The following FOXJ1 variants were observed in gnomAD, a reference collection of about 807,000 sequenced individuals.
The protein encoded by FOXJ1 is forkhead box protein J1.
Under a neutral mutation model 29.3 loss-of-function variants are expected in FOXJ1, and 8 were observed. The ratio of observed to expected loss-of-function variants is 0.27; its 90% CI spans 0.16 to 0.49. The LOEUF (loss-of-function observed/expected upper bound fraction) is 0.49. Ranked by LOEUF, FOXJ1 falls within the 20% of genes least tolerant of loss-of-function variation. FOXJ1 has a pLI of 0.98. For missense variants in FOXJ1, 539 were observed against 595.5 expected (o/e 0.91, Z 0.99); for synonymous variants, 280 against 278.7 (o/e 1.00, Z -0.05).
chr17:76,137,270 TG>T lies in FOXJ1; in HGVS notation c.*82del. On this transcript the variant is annotated 3_prime_UTR_variant, in exon 3 of 3. Coordinates refer to ENST00000322957, the MANE Select transcript of FOXJ1 (RefSeq NM_001454.4). The surrounding 1 kb of genome is among the most constrained non-coding windows in gnomAD (Gnocchi z 9.5). ...CCTGGCCCAGCCCCTGCCTAGGTGGTGGGGTGTCTGTGGACCTGTGTTGGGG... is the reference window on the plus strand; with the variant it reads ...CCTGGCCCAGCCCCTGCCTAGGTGGTGGGTGTCTGTGGACCTGTGTTGGGG... 1 of 1,215,412 alleles carries T rather than the reference TG, an allele frequency of 8.2e-7. No individual in the cohort carries two copies. Among genetic ancestry groups the T allele is most frequent in the Non-Finnish European group, 1.1e-6 (1 of 927,292 alleles). 75.3% of individuals were successfully genotyped at this position (1,215,412 alleles called of 1,614,324 possible).
In FOXJ1 at chr17:76,139,206, G is replaced by A. The variant is rs1179217406; in HGVS notation, c.498+692C>T. ...GTGGAACACGAAGTGAGTGTGGTAG[G>A]CAGAGCCCCAGTGGAAGGCACCTGG... On this transcript the variant is annotated intron_variant, in intron 2 of 2. Coordinates refer to ENST00000322957, the MANE Select transcript of FOXJ1 (RefSeq NM_001454.4). The surrounding 1 kb of genome is among the most constrained non-coding windows in gnomAD (Gnocchi z 6.6). Among the ~76,000 whole-genome samples the A allele has an allele frequency of 6.6e-6, 1 of 152,162 alleles. No individual in the cohort carries two copies. Among genetic ancestry groups the A allele is most frequent in the East Asian group, 1.9e-4 (1 of 5,178 alleles).
rs1007381587 is a variant in FOXJ1 at position 76,140,443 on chromosome 17, CG to C, written c.-49del. ...GGCGGTCAGCATCCACGGGCTGAGCCGGGGGTGGCCCGCCGCGCTCTCTGGC... is the reference window on the plus strand; with the variant it reads ...GGCGGTCAGCATCCACGGGCTGAGCCGGGGTGGCCCGCCGCGCTCTCTGGC... On this transcript the variant is annotated 5_prime_UTR_variant, in exon 2 of 3. Coordinates refer to ENST00000322957, the MANE Select transcript of FOXJ1 (RefSeq NM_001454.4). This position sits in a 1 kb window ranked among gnomAD's most constrained non-coding sequence, Gnocchi z 8.0. 2.2e-6 allele frequency: 3 copies of C among 1,368,526 alleles called. No individual in the cohort carries two copies. The highest frequency in any genetic ancestry group is 3.1e-5 in the African/African-American group (2 of 64,924). The allele number at this position is 1,368,526 out of a possible 1,614,324, so 84.8% of individuals were successfully genotyped here.
intron 2 of FOXJ1, 82 bp from the exon 3 acceptor site, chr17:76,138,202 G>C: frequency 6.9e-7 from 1 of 1,439,956 alleles, no homozygotes; most frequent in Non-Finnish European, 9.6e-7. Flanking sequence ...TGGCGCTGCT[G>C]CGCACCCCCC....
chr17:76,137,738 G>C lies in FOXJ1; in HGVS notation c.881C>G (p.Pro294Arg). The C allele has an allele frequency of 2.5e-6, 4 of 1,611,066 alleles. No homozygotes were observed. The highest frequency in any genetic ancestry group is 3.4e-6 in the Non-Finnish European group (4 of 1,178,794). ...KVPRPPSTLLPTPEEQGELEP... is the reference protein window; with the variant it reads ...KVPRPPSTLLRTPEEQGELEP... ...CAGCTCACCCTGCTCCTCCGGGGTG[G>C]GCAGCAGGGTGCTGGGGGGCCGCGG... is the stretch of plus-strand genomic sequence containing the variant. Residue 294 changes from proline to arginine, a missense_variant, in exon 3 of 3, where the codon CCC becomes CGC. Transcript: ENST00000322957. The surrounding 1 kb of genome is among the most constrained non-coding windows in gnomAD (Gnocchi z 9.5).
chr17:76,140,401 CG>C lies in FOXJ1; in HGVS notation c.-7del, dbSNP rs2068509002. ...CGCAGCCAGCTCTCCGCCATGTCTG[CG>C]GGGACTCTCCGAGGGGGCGGTCAGC... On this transcript the variant is annotated 5_prime_UTR_variant, in exon 2 of 3. Transcript: ENST00000322957. This position sits in a 1 kb window ranked among gnomAD's most constrained non-coding sequence, Gnocchi z 8.0. 1 of 1,449,284 alleles carries C rather than the reference CG, an allele frequency of 6.9e-7. No homozygotes were observed. The highest frequency in any genetic ancestry group is 1.4e-5 in the South Asian group (1 of 72,158). The allele number at this position is 1,449,284 out of a possible 1,614,324, so 89.8% of individuals were successfully genotyped here.
chr17:76,138,014 G>A lies in FOXJ1; in HGVS notation c.605C>T (p.Ala202Val), dbSNP rs780937145. Residue 202 changes from alanine (A) to valine (V), a missense_variant, in exon 3 of 3, where the codon GCG becomes GTG. Coordinates refer to ENST00000322957, the MANE Select transcript of FOXJ1 (RefSeq NM_001454.4). Reference protein sequence around the residue: ...GGFWRIDPQYAERLLSGAFKK... With the variant: ...GGFWRIDPQYVERLLSGAFKK... ...GAAAGCGCCGCTCAGTAGCCGCTCC[G>A]CGTACTGGGGGTCAATGCGCCAGAA... The A allele has an allele frequency of 7.4e-6, 12 of 1,613,338 alleles. No individual in the cohort carries two copies. The highest frequency in any genetic ancestry group is 5.5e-5 in the South Asian group (5 of 91,034).
At position 76,140,216 on chromosome 17, in the gene FOXJ1, G is replaced by T; in HGVS notation, c.180C>A (p.His60Gln). 1.4e-6 allele frequency: 2 copies of T among 1,449,252 alleles called. No individual in the cohort carries two copies. Among genetic ancestry groups the T allele is most frequent in the Non-Finnish European group, 1.8e-6 (2 of 1,111,472 alleles). 89.8% of individuals were successfully genotyped at this position (1,449,252 alleles called of 1,614,324 possible). Reference sequence around the variant, plus strand: ...CTGAACCTGGCACCTGGTGGTAGCCGTGGGGGTCGGTGCCCCCCGGGGGCA... The same window carrying T: ...CTGAACCTGGCACCTGGTGGTAGCCTTGGGGGTCGGTGCCCCCCGGGGGCA... ...PALPPGGTDP[H>Q]GYHQVPGSAA... The change falls in exon 2 of 3, where the codon CAC (histidine) becomes CAA (glutamine). Residue 60 changes from histidine to glutamine, a missense_variant. Physicochemically the swap from His to Gln is conservative, Grantham distance 24. Coordinates refer to ENST00000322957, the MANE Select transcript of FOXJ1 (RefSeq NM_001454.4). The surrounding 1 kb of genome is among the most constrained non-coding windows in gnomAD (Gnocchi z 8.0).
At position 76,137,478 on chromosome 17, in the gene FOXJ1, A is replaced by G. The variant is rs2068486436; in HGVS notation, c.1141T>C (p.Phe381Leu). Residue 381 changes from phenylalanine (F) to leucine (L), a missense_variant, in exon 3 of 3, where the codon TTC (phenylalanine) becomes CTC (leucine). This residue lies in a region of FOXJ1 where 302 missense variants were observed against 293.6 expected (regional missense o/e 1.03). Transcript: ENST00000322957. This position sits in a 1 kb window ranked among gnomAD's most constrained non-coding sequence, Gnocchi z 9.5. ...CTCTCGTCCCAGGGGTGCTGCAGGA[A>G]GGATGTGGCCAGGAAGGTCTCATCG... ...DFDETFLATS[F>L]LQHPWDESGS... 6.4e-7 allele frequency: 1 copy of G among 1,574,504 alleles called. No individual in the cohort carries two copies. The highest frequency in any genetic ancestry group is 1.7e-4 in the Middle Eastern group (1 of 5,964).
At position 76,137,772 on chromosome 17, in the gene FOXJ1, C is replaced by T. The variant is rs996737465; in HGVS notation, c.847G>A (p.Ala283Thr). The change falls in exon 3 of 3, where the codon GCC (alanine) becomes ACC (threonine). Residue 283 changes from alanine to threonine, a missense_variant. Ala to Thr is a moderately conservative substitution (Grantham distance 58, BLOSUM62 0). This residue lies in a region of FOXJ1 where 302 missense variants were observed against 293.6 expected (regional missense o/e 1.03). Transcript: ENST00000322957. This position sits in a 1 kb window ranked among gnomAD's most constrained non-coding sequence, Gnocchi z 9.5. ...GTGCTGGGGGGCCGCGGGACCTTGG[C>T]CACCCGCTTGGGCAGCGGCTGTTTG... is the stretch of plus-strand genomic sequence containing the variant. ...KRKQPLPKRV[A>T]KVPRPPSTLL... is the part of the protein sequence containing the mutation. 1 of 1,609,096 alleles carries T rather than the reference C, an allele frequency of 6.2e-7. No individual in the cohort carries two copies. The highest frequency in any genetic ancestry group is 1.3e-5 in the African/African-American group (1 of 74,854).
Position 76,137,172 on chromosome 17 carries a change from T to C in FOXJ1, c.*181A>G. On this transcript the variant is annotated 3_prime_UTR_variant, in exon 3 of 3. Coordinates refer to ENST00000322957, the MANE Select transcript of FOXJ1 (RefSeq NM_001454.4). This position sits in a 1 kb window ranked among gnomAD's most constrained non-coding sequence, Gnocchi z 9.5. ...CGATTCTGGTCCTGGGCCCTCGTTT[T>C]CAGCCTCCTGGGCTTGAATCTGATG... is the stretch of plus-strand genomic sequence containing the variant. 1 of 521,536 alleles carries C rather than the reference T, an allele frequency of 1.9e-6. No individual in the cohort carries two copies. Among genetic ancestry groups the C allele is most frequent in the Non-Finnish European group, 3.2e-6 (1 of 311,310 alleles). 32.3% of individuals were successfully genotyped at this position (521,536 alleles called of 1,614,324 possible). A position where few individuals can be genotyped will look rare whatever the true frequency, so the allele number is the denominator to read the frequency against.
rs538212598 is a variant in FOXJ1, at chr17:76,140,871, G to A, written c.-170+243C>T. Among the ~76,000 whole-genome samples the A allele has an allele frequency of 1.3e-5, 2 of 152,158 alleles. No homozygotes were observed. The highest frequency in any genetic ancestry group is 4.8e-5 in the African/African-American group (2 of 41,426). Reference sequence around the variant, plus strand: ...CAAATGGAAGTGGGGCGAGAAGTTTGGGAGGGCGGTACGACGGGGCGGGGG... The same window carrying A: ...CAAATGGAAGTGGGGCGAGAAGTTTAGGAGGGCGGTACGACGGGGCGGGGG... On this transcript the variant is annotated intron_variant, in intron 1 of 2. Coordinates refer to ENST00000322957, the MANE Select transcript of FOXJ1 (RefSeq NM_001454.4). This position sits in a 1 kb window ranked among gnomAD's most constrained non-coding sequence, Gnocchi z 8.0.
At position 76,136,475 on chromosome 17, in the gene FOXJ1, C is replaced by T. The variant is rs1249663419; in HGVS notation, c.*878G>A. On this transcript the variant is annotated 3_prime_UTR_variant, in exon 3 of 3. Transcript: ENST00000322957. The surrounding 1 kb of genome is among the most constrained non-coding windows in gnomAD (Gnocchi z 4.9). The stretch of plus-strand genomic sequence containing the variant: ...GGGTGGAGCAAGGCACGCCCCACGC[C>T]CCCGAGGAGTGCAGGCAGGGGCGTG... The T allele has an allele frequency of 1.3e-5, 2 of 152,098 alleles. No individual in the cohort carries two copies. Among genetic ancestry groups the T allele is most frequent in the African/African-American group, 4.8e-5 (2 of 41,400 alleles). The allele number at this position is 152,098 out of a possible 1,614,324, so 9.4% of individuals were successfully genotyped here.
chr17:76,137,274 G>A lies in FOXJ1; in HGVS notation c.*79C>T, dbSNP rs1483631708. On this transcript the variant is annotated 3_prime_UTR_variant, in exon 3 of 3. Transcript: ENST00000322957. This position sits in a 1 kb window ranked among gnomAD's most constrained non-coding sequence, Gnocchi z 9.5. ...GCCCAGCCCCTGCCTAGGTGGTGGG[G>A]TGTCTGTGGACCTGTGTTGGGGGGC... is the stretch of plus-strand genomic sequence containing the variant. 1 of 1,253,054 alleles carries A rather than the reference G, an allele frequency of 8.0e-7. No homozygotes were observed. The highest frequency in any genetic ancestry group is 3.3e-5 in the Admixed American group (1 of 30,448). The allele number at this position is 1,253,054 out of a possible 1,614,324, so 77.6% of individuals were successfully genotyped here.
At position 76,137,508 on chromosome 17, in the gene FOXJ1, C is replaced by T. The variant is rs768387796; in HGVS notation, c.1111G>A (p.Asp371Asn). ...PSVEQAADSL[D>N]FDETFLATSF... ...GTGGCCAGGAAGGTCTCATCGAAGTCCAGGCTGTCGGCAGCCTGCTCCACC... is the reference window on the plus strand; with the variant it reads ...GTGGCCAGGAAGGTCTCATCGAAGTTCAGGCTGTCGGCAGCCTGCTCCACC... Residue 371 changes from aspartate to asparagine, a missense_variant, in exon 3 of 3, where the codon GAC becomes AAC. By Grantham distance (23) the Asp-to-Asn change is conservative. Coordinates refer to ENST00000322957, the MANE Select transcript of FOXJ1 (RefSeq NM_001454.4). This position sits in a 1 kb window ranked among gnomAD's most constrained non-coding sequence, Gnocchi z 9.5. 15 of 1,587,934 alleles carry T rather than the reference C, an allele frequency of 9.4e-6. No homozygotes were observed. The Admixed American group carries it at 2.5e-4, about 26-fold the overall frequency.
rs1223225822 is a variant in FOXJ1, at chr17:76,139,591, G to A, written c.498+307C>T. Among the ~76,000 whole-genome samples the A allele has an allele frequency of 6.6e-6, 1 of 152,122 alleles. No homozygotes were observed. The highest frequency in any genetic ancestry group is 1.5e-5 in the Non-Finnish European group (1 of 68,022). On this transcript the variant is annotated intron_variant, in intron 2 of 2. Coordinates refer to ENST00000322957, the MANE Select transcript of FOXJ1 (RefSeq NM_001454.4). The surrounding 1 kb of genome is among the most constrained non-coding windows in gnomAD (Gnocchi z 6.6). ...CTCTCCCCAAGGAGATTCTGTCCAC[G>A]CAGAGTCTAGCCCTGGTCTTTGGCC... is the stretch of plus-strand genomic sequence containing the variant.
In FOXJ1 at chr17:76,137,738, G is replaced by A; in HGVS notation, c.881C>T (p.Pro294Leu). The part of the protein sequence containing the change: ...KVPRPPSTLL[P>L]TPEEQGELEP... ...CAGCTCACCCTGCTCCTCCGGGGTG[G>A]GCAGCAGGGTGCTGGGGGGCCGCGG... The change falls in exon 3 of 3, where the codon CCC becomes CTC. Residue 294 changes from proline to leucine, a missense_variant. By Grantham distance (98) the Pro-to-Leu change is moderately conservative (BLOSUM62 -3). This residue lies in a region of FOXJ1 where 302 missense variants were observed against 293.6 expected (regional missense o/e 1.03). Coordinates refer to ENST00000322957, the MANE Select transcript of FOXJ1 (RefSeq NM_001454.4). This position sits in a 1 kb window ranked among gnomAD's most constrained non-coding sequence, Gnocchi z 9.5. 1.2e-6 allele frequency: 2 copies of A among 1,611,066 alleles called. No homozygotes were observed. The highest frequency in any genetic ancestry group is 1.7e-6 in the Non-Finnish European group (2 of 1,178,794).
Position 76,137,000 on chromosome 17 carries a change from C to A in FOXJ1, c.*353G>T, listed in dbSNP as rs577413525. 317 of 228,794 alleles carry A rather than the reference C, an allele frequency of 1.4e-3. 1 individual carries two copies. In the Middle Eastern group the frequency reaches 0.035, roughly 25 times the overall value. 14.2% of individuals were successfully genotyped at this position (228,794 alleles called of 1,614,324 possible). On this transcript the variant is annotated 3_prime_UTR_variant, in exon 3 of 3. Transcript: ENST00000322957. The surrounding 1 kb of genome is among the most constrained non-coding windows in gnomAD (Gnocchi z 4.9). ...GGGAAGCGGAGGTGCTCTGGGAGGGCCCAGTTCTGTTCCTCCCCAGCCTGA... is the reference window on the plus strand; with the variant it reads ...GGGAAGCGGAGGTGCTCTGGGAGGGACCAGTTCTGTTCCTCCCCAGCCTGA...
In FOXJ1 at chr17:76,140,653, C is replaced by A; in HGVS notation, c.-169-89G>T. 6.9e-6 allele frequency: 3 copies of A among 436,702 alleles called. No homozygotes were observed. Among genetic ancestry groups the A allele is most frequent in the Non-Finnish European group, 1.2e-5 (3 of 248,888 alleles). 27.1% of individuals were successfully genotyped at this position (436,702 alleles called of 1,614,324 possible). A position where few individuals can be genotyped will look rare whatever the true frequency, so the allele number is the denominator to read the frequency against. On this transcript the variant is annotated intron_variant, in intron 1 of 2. Coordinates refer to ENST00000322957, the MANE Select transcript of FOXJ1 (RefSeq NM_001454.4). The surrounding 1 kb of genome is among the most constrained non-coding windows in gnomAD (Gnocchi z 8.0). The stretch of plus-strand genomic sequence containing the variant: ...GACGCCCTCTCTAACATCATCCCCG[C>A]AGCTGGGGAGGATCTTTTAGTGCCG...
rs753822616 is a variant in FOXJ1, at chr17:76,137,860, C to A, written c.759G>T (p.Glu253Asp). 1.9e-6 allele frequency: 3 copies of A among 1,587,812 alleles called. No homozygotes were observed. Among genetic ancestry groups the A allele is most frequent in the Non-Finnish European group, 2.6e-6 (3 of 1,167,046 alleles). Residue 253 changes from glutamate (E) to aspartate (D), a missense_variant, in exon 3 of 3, where the codon GAG (glutamate) becomes GAT (aspartate). Coordinates refer to ENST00000322957, the MANE Select transcript of FOXJ1 (RefSeq NM_001454.4). This position sits in a 1 kb window ranked among gnomAD's most constrained non-coding sequence, Gnocchi z 9.5. ...VNTEAQQLLR[E>D]FEEATGEAGW... ...CCGCCTCCCCGGTGGCCTCCTCGAA[C>A]TCCCGCAGCAGCTGCTGGGCCTCGG...
Sources: allele counts gnomAD v4.1 joint callset (sites outside exome capture counted in the v4.1 genomes callset), GRCh38; gene constraint gnomAD v4.1.1; regional missense constraint gnomAD v4.1.1; non-coding constraint Gnocchi (gnomAD v3.1); transcripts MANE v1.5; gene names NCBI Gene and HGNC (gene_info 2026-07-23, HGNC 2026-07-21).